Variants in FAM135A observed in about 807,000 individuals in gnomAD.
The protein encoded by FAM135A is family with sequence similarity 135 member A.
A neutral mutation model predicts 146.8 loss-of-function variants in FAM135A; 79 were observed. That is an observed-to-expected ratio of 0.54 (90% confidence interval 0.45 to 0.65). The LOEUF (loss-of-function observed/expected upper bound fraction) is 0.65. FAM135A is among the 30% of genes least tolerant of loss of function. FAM135A has a pLI of 0.00. For missense variants in FAM135A, 1,623 were observed against 1,758.2 expected (o/e 0.92, Z 1.38); for synonymous variants, 562 against 603.6 (o/e 0.93, Z 1.01).
chr6:70,507,458 C>A lies in FAM135A; in HGVS notation c.1029+4667C>A, dbSNP rs374051433. 1.1e-4 allele frequency among the ~76,000 whole-genome samples: 16 copies of A among 152,200 alleles called. No individual in the cohort carries two copies. The East Asian group carries it at 1.5e-3, about 15-fold the overall frequency. ...TCTGATAACGAATTCAGAAGCAGCA[C>A]AATTGAGCAAAGTCACAGAAATAAA... On this transcript the variant is annotated intron_variant, in intron 12 of 21. Coordinates refer to ENST00000418814, the MANE Select transcript of FAM135A (RefSeq NM_001162529.3).
intron 20 of FAM135A, among the ~76,000 whole-genome samples, chr6:70,545,766 T>C (rs769353139): frequency 6.6e-6 from 1 of 152,162 alleles, no homozygotes; most frequent in African/African-American, 2.4e-5. Context: ...TATTTAACCC[T>C]CTAGGGTAGG....
intron 5 of FAM135A, among the ~76,000 whole-genome samples, chr6:70,466,908 G>A (rs553793232): frequency 1.3e-5 from 2 of 152,236 alleles, no homozygotes; most frequent in African/African-American, 4.8e-5. Flanking sequence ...ACACAAATCC[G>A]AACTACATTG....
At position 70,482,020 on chromosome 6, in the gene FAM135A, C is replaced by T; in HGVS notation, c.689C>T (p.Ala230Val). Reference sequence around the variant, plus strand: ...GTTTAGGGTTGTAGCTTCATCATTGCAGACTCCTTCCTACATCATGCGTAT... The same window carrying T: ...GTTTAGGGTTGTAGCTTCATCATTGTAGACTCCTTCCTACATCATGCGTAT... ...LSPDGCSFIIADSFLHHAYRF... is the reference protein window; with the variant it reads ...LSPDGCSFIIVDSFLHHAYRF... The change falls in exon 10 of 22, where the codon GCA becomes GTA. Residue 230 changes from alanine (A) to valine (V), a missense_variant. By Grantham distance (64) the Ala-to-Val change is moderately conservative (BLOSUM62 0). Transcript: ENST00000418814. The T allele has an allele frequency of 1.9e-6, 3 of 1,613,210 alleles. No homozygotes were observed. The highest frequency in any genetic ancestry group is 2.5e-6 in the Non-Finnish European group (3 of 1,179,540).
chr6:70,499,275 T>C, intron 11 of FAM135A, among the ~76,000 whole-genome samples: 1 of 152,244 alleles, frequency 6.6e-6, no homozygotes, highest in East Asian at 1.9e-4. Flanking sequence ...CAGTCTGTTT[T>C]ATCAGACTAG....
chr6:70,480,825 AT>A, intron 8 of FAM135A, 75 bp from the exon 9 acceptor site: 1 of 1,423,928 alleles, frequency 7.0e-7, no homozygotes, highest in Non-Finnish European at 9.3e-7. Context: ...TTCCTGTAAG[AT>A]TTTCCTTTGT....
At chr6:70,512,003 G>A (rs1475749264) in intron 12 of FAM135A, among the ~76,000 whole-genome samples, 1 of 151,884 alleles carries the variant, frequency 6.6e-6, no homozygotes, top group Non-Finnish European at 1.5e-5. Context: ...TCATTATGTG[G>A]AGCATGACTA....
At position 70,488,022 on chromosome 6, in the gene FAM135A, G is replaced by T. The variant is rs183319907; in HGVS notation, c.824-3012G>T. Among the ~76,000 whole-genome samples, 6 of 152,196 alleles carry T rather than the reference G, an allele frequency of 3.9e-5. No individual in the cohort carries two copies. The East Asian group carries it at 1.2e-3, about 29-fold the overall frequency. ...TAAATATTTGTTGAATGAATGGATA[G>T]ATTTAGAAAATAAATGTTAGATACA... On this transcript the variant is annotated intron_variant, in intron 10 of 21. Coordinates refer to ENST00000418814, the MANE Select transcript of FAM135A (RefSeq NM_001162529.3).
intron 20 of FAM135A, among the ~76,000 whole-genome samples, chr6:70,542,645 A>G (rs1484846719): frequency 6.6e-6 from 1 of 152,182 alleles, no homozygotes; most frequent in Non-Finnish European, 1.5e-5. Flanking sequence ...CAATTCTCCC[A>G]TCTCAGCTGT....
chr6:70,541,817 A>G (rs530573795), intron 20 of FAM135A, among the ~76,000 whole-genome samples: 1 of 152,260 alleles, frequency 6.6e-6, no homozygotes, highest in East Asian at 1.9e-4. Context: ...TTCCACATCT[A>G]CTGGAATGGC....
At chr6:70,555,706 G>T (rs1271902875) in intron 20 of FAM135A, among the ~76,000 whole-genome samples, 1 of 151,896 alleles carries the variant, frequency 6.6e-6, no homozygotes, top group African/African-American at 2.4e-5. Flanking sequence ...GTGTTAAATT[G>T]TGTCACGAGA....
At chr6:70,546,557 A>C (rs1212874159) in intron 20 of FAM135A, among the ~76,000 whole-genome samples, 1 of 152,246 alleles carries the variant, frequency 6.6e-6, no homozygotes, top group Non-Finnish European at 1.5e-5. Flanking sequence ...AAAATGAAGA[A>C]AGCTTTTTAA....
chr6:70,545,051 C>CA (rs143283324), intron 20 of FAM135A, among the ~76,000 whole-genome samples: 37 of 137,532 alleles, frequency 2.7e-4, no homozygotes, highest in East Asian at 8.8e-4. Flanking sequence ...AACTCTGTCT[C>CA]AAAAAAAAAA....
intron 21 of FAM135A, among the ~76,000 whole-genome samples, chr6:70,559,094 CTT>C (rs1417060241): frequency 6.6e-6 from 1 of 152,226 alleles, no homozygotes; most frequent in East Asian, 1.9e-4. Flanking sequence ...TTATAAGTGA[CTT>C]AACATTAAAG....
At chr6:70,431,861 T>C (rs770009667) in intron 4 of FAM135A, among the ~76,000 whole-genome samples, 20 of 152,254 alleles carry the variant, frequency 1.3e-4, no homozygotes, top group Non-Finnish European at 2.2e-4. Flanking sequence ...GTTTATAAAA[T>C]AGTTTTCAAA....
At chr6:70,456,585 T>G (rs558788467) in intron 5 of FAM135A, among the ~76,000 whole-genome samples, 1 of 152,298 alleles carries the variant, frequency 6.6e-6, no homozygotes, top group East Asian at 1.9e-4. Flanking sequence ...GAAAATAAAA[T>G]CTTATTGGTT....
intron 12 of FAM135A, among the ~76,000 whole-genome samples, chr6:70,510,401 A>G (rs1790729947): frequency 6.6e-6 from 1 of 152,028 alleles, no homozygotes; most frequent in South Asian, 2.1e-4. Context: ...ATTCCAAGAC[A>G]TTTTCATCAC....
At chr6:70,437,107 A>G (rs1773350872) in intron 4 of FAM135A, among the ~76,000 whole-genome samples, 1 of 152,160 alleles carries the variant, frequency 6.6e-6, no homozygotes, top group Admixed American at 6.5e-5. Flanking sequence ...TACATTAATG[A>G]AAAGTTTTCT....
intron 20 of FAM135A, among the ~76,000 whole-genome samples, chr6:70,552,953 CAT>C (rs1289477751): frequency 2.0e-5 from 3 of 152,108 alleles, no homozygotes; most frequent in Admixed American, 6.6e-5. Context: ...TAAGCACTAA[CAT>C]ATTTTTAATT....
At chr6:70,463,635 A>G (rs1240580753) in intron 5 of FAM135A, among the ~76,000 whole-genome samples, 1 of 152,180 alleles carries the variant, frequency 6.6e-6, no homozygotes, top group Non-Finnish European at 1.5e-5. Flanking sequence ...TACTAAAACA[A>G]ACATCAATCA....
Sources: gnomAD v4.1 joint callset for allele counts (sites outside exome capture counted in the v4.1 genomes callset) on GRCh38, gnomAD v4.1.1 for gene constraint, MANE v1.5 for transcripts, NCBI Gene and HGNC (gene_info 2026-07-23, HGNC 2026-07-21) for gene names.